Variants in NIN observed in about 807,000 individuals in gnomAD.
NIN encodes the protein ninein.
Under a neutral mutation model 257.6 loss-of-function variants are expected in NIN, and 137 were observed. The observed-to-expected ratio is 0.53, with a 90% CI of 0.46 to 0.61. The LOEUF (loss-of-function observed/expected upper bound fraction) is 0.61. NIN is among the 20% of genes least tolerant of loss of function. The pLI is 0.00. For synonymous variants in NIN, 918 were observed against 919.8 expected (o/e 1.00, Z 0.04); for missense variants, 2,439 against 2,501.2 (o/e 0.98, Z 0.53).
intron 5 of NIN, among the ~76,000 whole-genome samples, chr14:50,780,631 G>A (rs2043099205): frequency 6.6e-6 from 1 of 152,094 alleles, no homozygotes; most frequent in African/African-American, 2.4e-5. Flanking sequence ...AGTTTCACAG[G>A]TCCATGTTAG....
chr14:50,747,877 G>A, intron 22 of NIN, 115 bp downstream of exon 22: 2 of 708,212 alleles, frequency 2.8e-6, no homozygotes, highest in South Asian at 3.6e-5. Context: ...CAGCTACCAA[G>A]CTAGTTGACA....
At position 50,763,940 on chromosome 14, in the gene NIN, G is replaced by A. The variant is rs777568308; in HGVS notation, c.1660C>T (p.Leu554Phe). The A allele has an allele frequency of 1.9e-5, 31 of 1,613,908 alleles. No homozygotes were observed. Among genetic ancestry groups the A allele is most frequent in the South Asian group, 4.4e-5 (4 of 91,088 alleles). Residue 554 changes from leucine (L) to phenylalanine (F), a missense_variant, in exon 15 of 31, where the codon CTC becomes TTC. Transcript: ENST00000530997. ...CRVLQDQVDE[L>F]QSELEEYRAQ... ...CGATATTCTTCCAGCTCAGACTGGAGTTCATCTACTTGGTCTTGTAGTACC... is the reference window on the plus strand; with the variant it reads ...CGATATTCTTCCAGCTCAGACTGGAATTCATCTACTTGGTCTTGTAGTACC...
intron 3 of NIN, among the ~76,000 whole-genome samples, chr14:50,810,956 C>G (rs2044570227): frequency 1.3e-5 from 2 of 152,114 alleles, no homozygotes; most frequent in African/African-American, 4.8e-5. Flanking sequence ...GCCACCGCGC[C>G]CAGCCTTTAA....
rs201510931 is a variant in NIN, at chr14:50,757,743, T to C, written c.3287A>G (p.Gln1096Arg). The change falls in exon 18 of 31, where the codon CAA becomes CGA. Residue 1096 changes from glutamine to arginine, a missense_variant. Physicochemically the swap from Gln to Arg is conservative, Grantham distance 43. Coordinates refer to ENST00000530997, the MANE Select transcript of NIN (RefSeq NM_020921.4). ...CATTACTAACCCTGGCTCTAACTTT[T>C]GTAGCCTCTGTTGCAATCTAGAAAT... ...TEISRLQQRLQKLEPGLVMSS... is the reference protein window; with the variant it reads ...TEISRLQQRLRKLEPGLVMSS... 5 of 1,614,236 alleles carry C rather than the reference T, an allele frequency of 3.1e-6. No homozygotes were observed. In the East Asian group the frequency reaches 1.1e-4, roughly 36 times the overall value.
At chr14:50,772,021 C>CACA (rs911255420) in intron 9 of NIN, 32 of 251,948 alleles carry the variant, frequency 1.3e-4, no homozygotes, top group African/African-American at 5.5e-4. Context: ...AAAAAAAAAA[C>CACA]ACAACAACAA....
chr14:50,786,203 A>G (rs1385039732), intron 5 of NIN, among the ~76,000 whole-genome samples: 1 of 152,222 alleles, frequency 6.6e-6, no homozygotes, highest in African/African-American at 2.4e-5. Flanking sequence ...TAAAGGAAAG[A>G]GATTTTAAAA....
At chr14:50,760,437 CT>C (rs35995624) in intron 16 of NIN, 78 bp from the exon 17 acceptor site, 47,260 of 417,650 alleles carry the variant, frequency 0.11, 5 homozygotes, top group South Asian at 0.16. Flanking sequence ...GCAGCAATTG[CT>C]TTTTTTTTTT....
chr14:50,766,154 G>C (rs1276812464), intron 14 of NIN, among the ~76,000 whole-genome samples, 153 bp downstream of exon 14: 1 of 152,000 alleles, frequency 6.6e-6, no homozygotes. Context: ...AACATTTTGT[G>C]GTGGGTACTT....
rs1387203575 is a variant in NIN, at chr14:50,765,063, T to TTA, written c.1636-1100_1636-1099insTA. On this transcript the variant is annotated intron_variant, in intron 14 of 30. Transcript: ENST00000530997. Reference sequence around the variant, plus strand: ...AACATGGTGAAACCCTGTCTCTACTTAAAAAAAAAAAAAAAAAAAAAAAAA... The same window carrying TTA: ...AACATGGTGAAACCCTGTCTCTACTTTAAAAAAAAAAAAAAAAAAAAAAAAAA... 3.9e-4 allele frequency among the ~76,000 whole-genome samples: 32 copies of TTA among 82,084 alleles called. 1 individual carries two copies. The highest frequency in any genetic ancestry group is 1.9e-3 in the Admixed American group (13 of 6,850). 53.9% of individuals were successfully genotyped at this position (82,084 alleles called of 152,430 possible).
chr14:50,739,326 G>T lies in NIN; in HGVS notation c.5610C>A (p.Leu1870=), dbSNP rs1238784792. 6.2e-7 allele frequency: 1 copy of T among 1,614,130 alleles called. No individual in the cohort carries two copies. Among genetic ancestry groups the T allele is most frequent in the African/African-American group, 1.3e-5 (1 of 75,050 alleles). The change falls in exon 26 of 31, where the codon CTC becomes CTA. Residue 1870 remains leucine (L), a synonymous_variant. Coordinates refer to ENST00000530997, the MANE Select transcript of NIN (RefSeq NM_020921.4). ...QTMVQNTKAE[L]THSREKVRQL... The stretch of plus-strand genomic sequence containing the variant: ...CAATTACCTTCTCCCGGGAGTGCGT[G>T]AGTTCGGCTTTGGTGTTCTGTACCA...
intron 4 of NIN, among the ~76,000 whole-genome samples, chr14:50,802,558 G>A (rs72683633): frequency 0.061 from 9,305 of 152,214 alleles, 361 homozygotes; most frequent in South Asian, 0.12. Context: ...GATATACTAT[G>A]CATTTGTCCT....
intron 3 of NIN, among the ~76,000 whole-genome samples, chr14:50,821,563 T>C (rs2045222583): frequency 6.6e-6 from 1 of 152,208 alleles, no homozygotes; most frequent in African/African-American, 2.4e-5. Flanking sequence ...TCCTCCTTTC[T>C]GTCCCAGTGA....
Position 50,778,175 on chromosome 14 carries a change from T to A in NIN, c.475+590A>T, listed in dbSNP as rs937971009. ...GCATTTTTAAATTAATTAATTAATT[T>A]ATATTGTTATTTTTATTTTTTGAGA... On this transcript the variant is annotated intron_variant, in intron 6 of 30. Transcript: ENST00000530997. Among the ~76,000 whole-genome samples, 4 of 152,174 alleles carry A rather than the reference T, an allele frequency of 2.6e-5. 1 individual carries two copies. Among genetic ancestry groups the A allele is most frequent in the South Asian group, 4.1e-4 (2 of 4,834 alleles).
At chr14:50,752,095 T>C (rs921426071) in intron 21 of NIN, among the ~76,000 whole-genome samples, 1 of 152,116 alleles carries the variant, frequency 6.6e-6, no homozygotes, top group Non-Finnish European at 1.5e-5. Flanking sequence ...TACAGTTAAA[T>C]AGCCTTTCTT....
In NIN at chr14:50,759,864, C is replaced by G. The variant is rs141236095; in HGVS notation, c.2392G>C (p.Glu798Gln). The G allele has an allele frequency of 8.2e-5, 132 of 1,607,162 alleles. 1 individual carries two copies. Among genetic ancestry groups the G allele is most frequent in the Non-Finnish European group, 6.5e-5 (76 of 1,177,558 alleles). Residue 798 changes from glutamate (E) to glutamine (Q), a missense_variant, in exon 17 of 31, where the codon GAG becomes CAG. Coordinates refer to ENST00000530997, the MANE Select transcript of NIN (RefSeq NM_020921.4). The part of the protein sequence containing the change: ...LLEKHQRELQ[E>Q]GREKMETECN... ...TTCCCTTCACTTTCTTACCTTCCCT[C>G]CTGAAGCTCCCTTTGGTGCTTTTCC...
chr14:50,796,857 A>G (rs2142071493), intron 4 of NIN, among the ~76,000 whole-genome samples: 1 of 152,254 alleles, frequency 6.6e-6, no homozygotes, highest in East Asian at 1.9e-4. Context: ...AAAACTGACC[A>G]CTGCACCAGA....
intron 29 of NIN, 111 bp from the exon 30 acceptor site, chr14:50,726,177 C>T (rs557660979): frequency 8.8e-6 from 7 of 791,410 alleles, no homozygotes; most frequent in African/African-American, 5.2e-5. Context: ...GCCTTTGTAA[C>T]AGGAAGGATG....
In NIN at chr14:50,786,058, C is replaced by G. The variant is rs191639735; in HGVS notation, c.435+6654G>C. ...TAAACGCACACACATTTAGATGAGACCTGCTACACTGAAGGCTAAAAAAGC... is the reference window on the plus strand; with the variant it reads ...TAAACGCACACACATTTAGATGAGAGCTGCTACACTGAAGGCTAAAAAAGC... On this transcript the variant is annotated intron_variant, in intron 5 of 30. Coordinates refer to ENST00000530997, the MANE Select transcript of NIN (RefSeq NM_020921.4). Among the ~76,000 whole-genome samples, 171 of 152,240 alleles carry G rather than the reference C, an allele frequency of 1.1e-3. 1 individual carries two copies. The highest frequency in any genetic ancestry group is 3.9e-3 in the African/African-American group (164 of 41,532).
chr14:50,744,140 C>A, intron 23 of NIN, 103 bp downstream of exon 23: 3 of 1,301,836 alleles, frequency 2.3e-6, no homozygotes, highest in Middle Eastern at 2.5e-4. Context: ...CACTCTGGAA[C>A]AACAGACTAC....
Sources: gnomAD v4.1 joint callset for allele counts (sites outside exome capture counted in the v4.1 genomes callset) on GRCh38, gnomAD v4.1.1 for gene constraint, MANE v1.5 for transcripts, NCBI Gene and HGNC (gene_info 2026-07-23, HGNC 2026-07-21) for gene names.